CFAP299: variants seen among roughly 807,000 people sequenced by gnomAD.
CFAP299 encodes the protein cilia- and flagella-associated protein 299.
A neutral mutation model predicts 27.0 loss-of-function variants in CFAP299; 21 were observed. The observed-to-expected ratio is 0.78, with a 90% confidence interval of 0.55 to 1.12. The LOEUF is 1.12. CFAP299 is among the 50% of genes most tolerant of loss of function. CFAP299 has a pLI of 0.00. For synonymous variants in CFAP299, 104 were observed against 98.1 expected, an observed-to-expected ratio of 1.06 and a Z score of -0.36; for missense variants, 310 against 276.6, an observed-to-expected ratio of 1.12 and a Z score of -0.86.
At chr4:80,416,641 G>T (rs1727022069) in intron 2 of CFAP299, among the ~76,000 whole-genome samples, 1 of 152,080 alleles carries the variant, frequency 6.6e-6, no homozygotes. Flanking sequence ...TCAAAAAGAT[G>T]CCATTATAAT....
intron 2 of CFAP299, among the ~76,000 whole-genome samples, chr4:80,582,721 T>G (rs1024749847): frequency 6.6e-6 from 1 of 151,884 alleles, no homozygotes; most frequent in Non-Finnish European, 1.5e-5. Context: ...TCTAGTATTT[T>G]AATTTCCTTA....
chr4:80,864,389 G>T (rs1211342822), intron 3 of CFAP299, among the ~76,000 whole-genome samples: 2 of 143,204 alleles, frequency 1.4e-5, no homozygotes, highest in African/African-American at 2.6e-5. Flanking sequence ...TGTCAATTGG[G>T]TGTGTCTTGT....
chr4:80,863,112 G>C (rs1732484299), intron 3 of CFAP299, among the ~76,000 whole-genome samples: 1 of 151,768 alleles, frequency 6.6e-6, no homozygotes, highest in Non-Finnish European at 1.5e-5. Flanking sequence ...TGCTCTCTGG[G>C]TAACACAAGA....
chr4:80,849,365 T>A (rs540564902), intron 3 of CFAP299, among the ~76,000 whole-genome samples: 180 of 152,262 alleles, frequency 1.2e-3, no homozygotes, highest in African/African-American at 4.1e-3. Context: ...GGTACATGGA[T>A]GTATTTTTAA....
intron 4 of CFAP299, among the ~76,000 whole-genome samples, chr4:80,891,883 A>G (rs1734324519): frequency 6.7e-6 from 1 of 148,670 alleles, no homozygotes; most frequent in South Asian, 2.1e-4. Flanking sequence ...GTGGAAAAAT[A>G]TTTTATGTTC....
intron 2 of CFAP299, among the ~76,000 whole-genome samples, chr4:80,581,090 A>G (rs1396216490): frequency 1.3e-5 from 2 of 151,822 alleles, no homozygotes; most frequent in African/African-American, 4.8e-5. Flanking sequence ...ATGTACTTGT[A>G]AAATGAATTC....
intron 4 of CFAP299, among the ~76,000 whole-genome samples, chr4:80,911,600 G>T (rs567289162): frequency 3.7e-4 from 56 of 152,016 alleles, no homozygotes; most frequent in Non-Finnish European, 6.8e-4. Flanking sequence ...GGCTTAGAGT[G>T]TTAAGAAAAA....
intron 4 of CFAP299, among the ~76,000 whole-genome samples, chr4:80,912,085 C>T (rs558909084): frequency 1.3e-5 from 2 of 152,146 alleles, no homozygotes; most frequent in Non-Finnish European, 2.9e-5. Context: ...ATAAAATGTT[C>T]TACTTATTGA....
chr4:80,763,139 A>C (rs1440579504), intron 3 of CFAP299, among the ~76,000 whole-genome samples: 1 of 152,218 alleles, frequency 6.6e-6, no homozygotes, highest in Non-Finnish European at 1.5e-5. Flanking sequence ...AAGTGTATTT[A>C]AATAGGAAGA....
At chr4:80,394,853 T>G (rs1160713458) in intron 2 of CFAP299, among the ~76,000 whole-genome samples, 1 of 152,122 alleles carries the variant, frequency 6.6e-6, no homozygotes, top group Non-Finnish European at 1.5e-5. Flanking sequence ...TGAAATCAGG[T>G]GATGTGATAC....
chr4:80,716,199 G>A (rs1578052312), intron 3 of CFAP299, among the ~76,000 whole-genome samples: 1 of 151,880 alleles, frequency 6.6e-6, no homozygotes, highest in African/African-American at 2.4e-5. Context: ...AAATTTTGAA[G>A]TGTTATATTA....
At chr4:80,666,872 T>A (rs935580777) in intron 3 of CFAP299, among the ~76,000 whole-genome samples, 1 of 152,160 alleles carries the variant, frequency 6.6e-6, no homozygotes, top group African/African-American at 2.4e-5. Context: ...AAGTTTCTAG[T>A]ATCATAGGTC....
chr4:80,535,080 TG>T (rs568895972), intron 2 of CFAP299, among the ~76,000 whole-genome samples: 13 of 152,238 alleles, frequency 8.5e-5, no homozygotes, highest in African/African-American at 3.1e-4. Flanking sequence ...GCAATTTGTG[TG>T]TGTGTGCCTA....
At chr4:80,647,774 C>A (rs894190102) in intron 3 of CFAP299, among the ~76,000 whole-genome samples, 7 of 152,058 alleles carry the variant, frequency 4.6e-5, no homozygotes, top group African/African-American at 1.7e-4. Context: ...AATGTGAGAG[C>A]AAAAAGAAAT....
upstream of CFAP299, chr4:80,335,608 G>T: frequency 3.1e-6 from 2 of 645,300 alleles, no homozygotes; most frequent in South Asian, 1.6e-5. Flanking sequence ...TTTCACAGGA[G>T]TGAGGCAGAA....
intron 3 of CFAP299, among the ~76,000 whole-genome samples, chr4:80,837,603 A>AGC (rs1459056036): frequency 6.6e-6 from 1 of 152,194 alleles, no homozygotes; most frequent in East Asian, 1.9e-4. Flanking sequence ...TGTCCCTGCA[A>AGC]AGGACATGAA....
rs77114050 is a variant in CFAP299, at chr4:80,774,665, C to T, written c.334-95328C>T. Among the ~76,000 whole-genome samples, 566 of 151,964 alleles carry T rather than the reference C, an allele frequency of 3.7e-3. 2 individuals are homozygous for T. Among genetic ancestry groups the T allele is most frequent in the Non-Finnish European group, 6.1e-3 (415 of 67,876 alleles). On this transcript the variant is annotated intron_variant, in intron 3 of 5. Transcript: ENST00000358105. ...TGATAACTACATAATTTTCATATGT[C>T]GATTTGGCAACCATTTAATATACAC...
intron 3 of CFAP299, among the ~76,000 whole-genome samples, chr4:80,683,132 C>T (rs1267571110): frequency 1.3e-5 from 2 of 152,072 alleles, no homozygotes; most frequent in Non-Finnish European, 2.9e-5. Context: ...TTTACTATTC[C>T]ATGGACTGAT....
intron 4 of CFAP299, among the ~76,000 whole-genome samples, chr4:80,929,858 TC>T (rs968723987): frequency 6.6e-6 from 1 of 152,314 alleles, no homozygotes. Context: ...TGGGTATGTC[TC>T]CAGTCTCATT....
Sources: gnomAD v4.1 joint callset for allele counts (sites outside exome capture counted in the v4.1 genomes callset) on GRCh38, gnomAD v4.1.1 for gene constraint, MANE v1.5 for transcripts, NCBI Gene and HGNC (gene_info 2026-07-23, HGNC 2026-07-21) for gene names.